Variants in MED12L observed in about 807,000 individuals in gnomAD.
The protein encoded by MED12L is mediator complex subunit 12L.
In MED12L, 60 loss-of-function variants were observed where a neutral mutation model predicts 281.3. That is an observed-to-expected ratio of 0.21 (90% CI 0.17 to 0.26). The LOEUF is 0.26. Among genes scored for constraint, MED12L ranks in the 10% least tolerant of loss-of-function variants. MED12L has a pLI of 1.00. For missense variants in MED12L, 2,146 were observed against 2,680.9 expected (o/e 0.80, Z 4.41); for synonymous variants, 974 against 987.2 (o/e 0.99, Z 0.25).
chr3:151,193,661 C>T lies in MED12L; in HGVS notation c.2245C>T (p.Pro749Ser), dbSNP rs1377907861. The T allele has an allele frequency of 6.2e-7, 1 of 1,612,248 alleles. No homozygotes were observed. Among genetic ancestry groups the T allele is most frequent in the African/African-American group, 1.3e-5 (1 of 74,882 alleles). Residue 749 changes from proline to serine, a missense_variant, in exon 16 of 45, where the codon CCT becomes TCT. By Grantham distance (74) the Pro-to-Ser change is moderately conservative. Coordinates refer to ENST00000687756, the MANE Select transcript of MED12L (RefSeq NM_001393769.1). ...ACAGTATGCAACACATTTTCCTATA[C>T]CTCTGGTAAGTCATTGCTTCAGTTA... ...HLQYATHFPI[P>S]LDESSSHECN...
rs1465481460 is a variant in MED12L at position 151,433,007 on chromosome 3, A to G, written c.*203A>G. On this transcript the variant is annotated 3_prime_UTR_variant, in exon 45 of 45. Coordinates refer to ENST00000687756, the MANE Select transcript of MED12L (RefSeq NM_001393769.1). ...GTTGTGGTTTGATTTTGTTGAATTC[A>G]CCTTTAAAGTAGGTTTACAAATGTG... 3.8e-6 allele frequency: 2 copies of G among 531,096 alleles called. No individual in the cohort carries two copies. The highest frequency in any genetic ancestry group is 1.9e-5 in the African/African-American group (1 of 52,060). 32.9% of individuals were successfully genotyped at this position (531,096 alleles called of 1,614,324 possible).
chr3:151,293,666 CA>C (rs1744618261), intron 16 of MED12L, among the ~76,000 whole-genome samples: 2 of 145,042 alleles, frequency 1.4e-5, no homozygotes, highest in African/African-American at 2.6e-5. Context: ...CACACACACA[CA>C]CACACACACA....
chr3:151,179,945 C>T (rs1023617371), intron 11 of MED12L, among the ~76,000 whole-genome samples: 3 of 152,168 alleles, frequency 2.0e-5, no homozygotes, highest in Admixed American at 1.3e-4. Context: ...TTCCTTTATT[C>T]CCACCACTCT....
intron 16 of MED12L, chr3:151,198,284 A>G (rs1724951485): frequency 3.4e-6 from 2 of 592,710 alleles, no homozygotes; most frequent in Non-Finnish European, 2.7e-6. Flanking sequence ...CAGGATTTCT[A>G]AGTAAACCTG....
chr3:151,413,254 C>T lies in MED12L; in HGVS notation c.6256C>T (p.Pro2086Ser). ...GCCCCTGCCTCAGGATCCCATGAGA[C>T]CCAGACAGCCGCAAGTTCGACAGCA... ...SVPLPQDPMR[P>S]RQPQVRQQQR... The change falls in exon 42 of 45, where the codon CCC becomes TCC. Residue 2086 changes from proline to serine, a missense_variant. Pro to Ser is a moderately conservative substitution (Grantham distance 74). Coordinates refer to ENST00000687756, the MANE Select transcript of MED12L (RefSeq NM_001393769.1). 1 of 1,614,160 alleles carries T rather than the reference C, an allele frequency of 6.2e-7. No individual in the cohort carries two copies. Among genetic ancestry groups the T allele is most frequent in the Non-Finnish European group, 8.5e-7 (1 of 1,180,030 alleles).
At chr3:151,284,091 G>A (rs965354708) in intron 16 of MED12L, among the ~76,000 whole-genome samples, 1 of 152,174 alleles carries the variant, frequency 6.6e-6, no homozygotes, top group African/African-American at 2.4e-5. Context: ...AACATACTTC[G>A]TTTTTGTCAG....
chr3:151,411,387 A>G lies in MED12L; in HGVS notation c.6020A>G (p.Tyr2007Cys), dbSNP rs1716914059. ...TCTCCCAGCTATAACTCCAGAGCCT[A>G]TCCGGCCGCACATTCCAACCCCGTG... The part of the protein sequence containing the change: ...VLSPSYNSRA[Y>C]PAAHSNPVLM... The change falls in exon 41 of 45, where the codon TAT (tyrosine) becomes TGT (cysteine). Residue 2007 changes from tyrosine (Y) to cysteine (C), a missense_variant. Around this residue, in one of 9 missense-constraint regions of MED12L, gnomAD observed 496 missense variants for 512.0 expected, o/e 0.97. Transcript: ENST00000687756. 2.5e-6 allele frequency: 4 copies of G among 1,614,066 alleles called. No individual in the cohort carries two copies. Among genetic ancestry groups the G allele is most frequent in the Admixed American group, 1.7e-5 (1 of 60,002 alleles).
At position 151,350,176 on chromosome 3, in the gene MED12L, C is replaced by A. The variant is rs775153164; in HGVS notation, c.2368C>A (p.Leu790Ile). 1 of 1,613,558 alleles carries A rather than the reference C, an allele frequency of 6.2e-7. No homozygotes were observed. ...KKITKDILKI[L>I]NKKSTTETGV... ...GATTACCAAAGATATCCTGAAAATT[C>A]TAAATAAGAAGAGCACCACAGAGAC... Residue 790 changes from leucine (L) to isoleucine (I), a missense_variant, in exon 17 of 45, where the codon CTA becomes ATA. Physicochemically the swap from Leu to Ile is conservative, Grantham distance 5. Transcript: ENST00000687756.
rs755082471 is a variant in MED12L at position 151,369,438 on chromosome 3, A to C, written c.3553A>C (p.Lys1185Gln). The change falls in exon 26 of 45, where the codon AAA (lysine) becomes CAA (glutamine). Residue 1185 changes from lysine to glutamine, a missense_variant and splice_region_variant. Transcript: ENST00000687756. ...TTAAAGATTTGTTGTTTTTGTAGGC[A>C]AACCTTTCCCTGGAATAAGATCATC... ...QACFLPQATGKPFPGIRSSCD... is the reference protein window; with the variant it reads ...QACFLPQATGQPFPGIRSSCD... 1.3e-6 allele frequency: 2 copies of C among 1,598,948 alleles called. No individual in the cohort carries two copies. The highest frequency in any genetic ancestry group is 1.7e-6 in the Non-Finnish European group (2 of 1,172,698).
At chr3:151,424,627 A>G (rs1313073779) in intron 43 of MED12L, among the ~76,000 whole-genome samples, 1 of 146,980 alleles carries the variant, frequency 6.8e-6, no homozygotes, top group African/African-American at 2.5e-5. Context: ...TCTCAAAAAA[A>G]ACAAAACAAA....
chr3:151,124,333 T>C (rs1009063712), intron 4 of MED12L, among the ~76,000 whole-genome samples: 13 of 152,210 alleles, frequency 8.5e-5, no homozygotes, highest in African/African-American at 2.9e-4. Flanking sequence ...TATTGGGAGC[T>C]GCCTCTGGCC....
At chr3:151,369,408 G>T in intron 25 of MED12L, 28 bp from the exon 26 acceptor site, 1 of 1,438,144 alleles carries the variant, frequency 7.0e-7, no homozygotes, top group African/African-American at 1.4e-5. Flanking sequence ...ATGGTAATGA[G>T]ACTATTAAAG....
intron 5 of MED12L, among the ~76,000 whole-genome samples, chr3:151,145,889 C>T (rs1387506764): frequency 2.0e-5 from 3 of 152,160 alleles, no homozygotes; most frequent in African/African-American, 4.8e-5. Flanking sequence ...ACAAAGGTGT[C>T]GCACCTGCCT....
rs1190535932 is a variant in MED12L at position 151,435,989 on chromosome 3, A to G, written c.*3185A>G. 1 of 152,196 alleles carries G rather than the reference A, an allele frequency of 6.6e-6. No homozygotes were observed. Among genetic ancestry groups the G allele is most frequent in the East Asian group, 1.9e-4 (1 of 5,194 alleles). 9.4% of individuals were successfully genotyped at this position (152,196 alleles called of 1,614,324 possible). ...GATTTTAAAGTTATAAAGAAGTTTCATTGTATTTTTAAAACCTTTTTAATG... is the reference window on the plus strand; with the variant it reads ...GATTTTAAAGTTATAAAGAAGTTTCGTTGTATTTTTAAAACCTTTTTAATG... On this transcript the variant is annotated 3_prime_UTR_variant, in exon 45 of 45. Coordinates refer to ENST00000687756, the MANE Select transcript of MED12L (RefSeq NM_001393769.1).
intron 3 of MED12L, among the ~76,000 whole-genome samples, chr3:151,116,726 C>T (rs770145455): frequency 2.6e-5 from 4 of 152,206 alleles, no homozygotes; most frequent in Middle Eastern, 3.4e-3. Context: ...TAGAAGAGCC[C>T]AGGTCAGTTG....
At position 151,186,097 on chromosome 3, in the gene MED12L, T is replaced by A. The variant is rs1723227887; in HGVS notation, c.1626+636T>A. On this transcript the variant is annotated intron_variant, in intron 12 of 44. Transcript: ENST00000687756. ...TACCAATTTGTATTGCTTTTGAGAT[T>A]ATATTCTGGCCCCAGAGAGAGCAAT... is the stretch of plus-strand genomic sequence containing the variant. Among the ~76,000 whole-genome samples, 6 of 152,342 alleles carry A rather than the reference T, an allele frequency of 3.9e-5. No homozygotes were observed. The South Asian group carries it at 1.2e-3, about 32-fold the overall frequency.
chr3:151,409,798 G>T (rs1716747148), intron 40 of MED12L, among the ~76,000 whole-genome samples: 1 of 151,886 alleles, frequency 6.6e-6, no homozygotes, highest in South Asian at 2.1e-4. Flanking sequence ...CTCTACAAAA[G>T]AAAATAAAAA....
chr3:151,224,014 A>G (rs1729959413), intron 16 of MED12L, among the ~76,000 whole-genome samples: 1 of 152,194 alleles, frequency 6.6e-6, no homozygotes, highest in Admixed American at 6.5e-5. Flanking sequence ...TCTGAATCAA[A>G]TATGCCTAAT....
At chr3:151,338,630 G>T in intron 16 of MED12L, 1 of 1,613,982 alleles carries the variant, frequency 6.2e-7, no homozygotes, top group Non-Finnish European at 8.5e-7. Flanking sequence ...TCAGAATCAT[G>T]AGAAGATCAG....
Sources: gnomAD v4.1 joint callset for allele counts (sites outside exome capture counted in the v4.1 genomes callset) on GRCh38, gnomAD v4.1.1 for gene constraint, gnomAD v4.1.1 regional missense constraint, MANE v1.5 for transcripts, NCBI Gene and HGNC (gene_info 2026-07-23, HGNC 2026-07-21) for gene names.